DNAH11: variants seen among roughly 807,000 people sequenced by gnomAD.
The protein encoded by DNAH11 is dynein axonemal heavy chain 11.
In DNAH11, 442 loss-of-function variants were observed where a neutral mutation model predicts 526.0. The observed-to-expected ratio is 0.84, with a 90% CI of 0.78 to 0.91. DNAH11 has a LOEUF of 0.91. Ranked by LOEUF, DNAH11 falls within the 40% of genes least tolerant of loss-of-function variation. The pLI is 0.00. For missense variants in DNAH11, 6,989 were observed against 5,448.7 expected (o/e 1.28, Z -8.90); for synonymous variants, 2,461 against 1,935.9 (o/e 1.27, Z -7.12).
intron 28 of DNAH11, among the ~76,000 whole-genome samples, chr7:21,653,923 G>A (rs1054849413): frequency 1.3e-5 from 2 of 152,134 alleles, no homozygotes; most frequent in African/African-American, 2.4e-5. Flanking sequence ...AGAAAATTTA[G>A]GCAGGTTGCT....
intron 63 of DNAH11, among the ~76,000 whole-genome samples, chr7:21,810,003 G>T (rs989235027): frequency 6.6e-6 from 1 of 152,170 alleles, no homozygotes; most frequent in Non-Finnish European, 1.5e-5. Flanking sequence ...AGTGATAACT[G>T]AAATCAAACT....
chr7:21,547,942 C>T (rs1782866785), intron 2 of DNAH11, among the ~76,000 whole-genome samples: 1 of 152,156 alleles, frequency 6.6e-6, no homozygotes, highest in African/African-American at 2.4e-5. Context: ...AAGTTATGCA[C>T]ATTTGTTTAT....
chr7:21,831,621 T>G (rs1781773701), intron 65 of DNAH11, among the ~76,000 whole-genome samples: 2 of 152,134 alleles, frequency 1.3e-5, no homozygotes, highest in Admixed American at 6.5e-5. Context: ...AACCTCTCTT[T>G]TCACAGAGAA....
intron 25 of DNAH11, among the ~76,000 whole-genome samples, chr7:21,630,683 A>T (rs531634113): frequency 5.7e-4 from 87 of 152,092 alleles, no homozygotes; most frequent in African/African-American, 2.0e-3. Context: ...TTCTGTTGAG[A>T]TGTCTCTTGT....
At chr7:21,546,393 C>T (rs1782807462) in intron 2 of DNAH11, among the ~76,000 whole-genome samples, 1 of 152,184 alleles carries the variant, frequency 6.6e-6, no homozygotes, top group Non-Finnish European at 1.5e-5. Context: ...TGGTATGCAG[C>T]AGGTGCTCAG....
chr7:21,866,705 T>A, intron 71 of DNAH11, 42 bp downstream of exon 71: 3 of 1,559,302 alleles, frequency 1.9e-6, no homozygotes, highest in Non-Finnish European at 2.6e-6. Flanking sequence ...TTAGTTAACA[T>A]AGAGGAAATG....
intron 30 of DNAH11, among the ~76,000 whole-genome samples, chr7:21,659,977 T>C (rs1045535533): frequency 1.3e-5 from 2 of 152,186 alleles, no homozygotes; most frequent in Admixed American, 6.6e-5. Context: ...CCACTTACTT[T>C]TGGGGAAAAA....
intron 43 of DNAH11, among the ~76,000 whole-genome samples, chr7:21,718,719 A>G (rs1005964614): frequency 6.6e-6 from 1 of 152,178 alleles, no homozygotes; most frequent in African/African-American, 2.4e-5. Flanking sequence ...TTACAATTAG[A>G]AACCCCCACA....
intron 74 of DNAH11, among the ~76,000 whole-genome samples, chr7:21,879,458 CAAAT>C (rs1299850908): frequency 6.6e-6 from 1 of 151,336 alleles, no homozygotes; most frequent in African/African-American, 2.4e-5. Context: ...AAACAAAAAA[CAAAT>C]AAACAAAAAA....
At position 21,799,202 on chromosome 7, in the gene DNAH11, T is replaced by C. The variant is rs1788852164; in HGVS notation, c.10027-1935T>C. Among the ~76,000 whole-genome samples the C allele has an allele frequency of 2.0e-5, 3 of 152,346 alleles. No individual in the cohort carries two copies. In the South Asian group the frequency reaches 6.2e-4, roughly 32 times the overall value. On this transcript the variant is annotated intron_variant, in intron 61 of 81. Transcript: ENST00000409508. ...TAAATAAATAGCCCCAACTTGATAC[T>C]GCTTAGCTGGTAGCAGCATCCAAAT... is the stretch of plus-strand genomic sequence containing the variant.
Position 21,589,291 on chromosome 7 carries a change from T to A in DNAH11, c.2057T>A (p.Ile686Asn), listed in dbSNP as rs748133795. 1 of 1,610,616 alleles carries A rather than the reference T, an allele frequency of 6.2e-7. No individual in the cohort carries two copies. Among genetic ancestry groups the A allele is most frequent in the African/African-American group, 1.3e-5 (1 of 74,926 alleles). ...TTGCTTGATCAATTTGAAAGTCGTA[T>A]CTATAATGAATGGAAAAGTAATGTG... The part of the protein sequence containing the change: ...TTLLDQFESR[I>N]YNEWKSNVDE... The change falls in exon 12 of 82, where the codon ATC (isoleucine) becomes AAC (asparagine). Residue 686 changes from isoleucine to asparagine, a missense_variant. Physicochemically the swap from Ile to Asn is moderately radical, Grantham distance 149. Transcript: ENST00000409508.
At chr7:21,772,449 A>T (rs1787482402) in intron 55 of DNAH11, among the ~76,000 whole-genome samples, 1 of 150,922 alleles carries the variant, frequency 6.6e-6, no homozygotes, top group African/African-American at 2.4e-5. Flanking sequence ...TTTAGTTCCC[A>T]TTAAAACAAG....
intron 28 of DNAH11, among the ~76,000 whole-genome samples, chr7:21,646,932 GT>G (rs1486983847): frequency 2.0e-5 from 3 of 152,134 alleles, no homozygotes; most frequent in Non-Finnish European, 4.4e-5. Context: ...TTGCATTAAA[GT>G]TTACTGAGCA....
chr7:21,709,589 T>C (rs1441357274), intron 40 of DNAH11, among the ~76,000 whole-genome samples: 1 of 152,168 alleles, frequency 6.6e-6, no homozygotes. Context: ...AAGTTGAAAT[T>C]TTAAAAATAG....
At chr7:21,830,215 C>G (rs750047079) in intron 65 of DNAH11, among the ~76,000 whole-genome samples, 2 of 152,128 alleles carry the variant, frequency 1.3e-5, no homozygotes, top group South Asian at 2.1e-4. Context: ...AATACATTTT[C>G]TTTCCCTGAG....
chr7:21,675,630 C>T (rs909189090), intron 30 of DNAH11, among the ~76,000 whole-genome samples: 3 of 152,130 alleles, frequency 2.0e-5, no homozygotes, highest in Non-Finnish European at 2.9e-5. Flanking sequence ...GAACAAAAAA[C>T]TGTTGTTTTG....
Position 21,683,873 on chromosome 7 carries a change from T to C in DNAH11, c.5550T>C (p.Asp1850=). Residue 1850 remains aspartate, a synonymous_variant, in exon 32 of 82, where the codon GAT becomes GAC. Coordinates refer to ENST00000409508, the MANE Select transcript of DNAH11 (RefSeq NM_001277115.2). Reference sequence around the variant, plus strand: ...AACACTGCTTTGTTAATATTTGTGATGCCCAGTTCCAGTACTTCTATGAAT... The same window carrying C: ...AACACTGCTTTGTTAATATTTGTGACGCCCAGTTCCAGTACTTCTATGAAT... ...TQKHCFVNIC[D]AQFQYFYEYL... 3 of 1,613,788 alleles carry C rather than the reference T, an allele frequency of 1.9e-6. No homozygotes were observed. Among genetic ancestry groups the C allele is most frequent in the Non-Finnish European group, 2.5e-6 (3 of 1,179,742 alleles).
At position 21,744,981 on chromosome 7, in the gene DNAH11, A is replaced by G. The variant is rs769550475; in HGVS notation, c.8428A>G (p.Ile2810Val). The G allele has an allele frequency of 6.2e-7, 1 of 1,610,264 alleles. No homozygotes were observed. The highest frequency in any genetic ancestry group is 8.5e-7 in the Non-Finnish European group (1 of 1,178,294). Residue 2810 changes from isoleucine (I) to valine (V), a missense_variant, in exon 51 of 82, where the codon ATT (isoleucine) becomes GTT (valine). Coordinates refer to ENST00000409508, the MANE Select transcript of DNAH11 (RefSeq NM_001277115.2). ...PVKDWEVLKT[I>V]LTETLDNYNE... ...GAAGGACTGGGAAGTGCTGAAGACG[A>G]TTCTTACAGAAACGTTAGACAACTA...
At chr7:21,610,301 C>T (rs1042731089) in intron 20 of DNAH11, among the ~76,000 whole-genome samples, 6 of 152,118 alleles carry the variant, frequency 3.9e-5, no homozygotes, top group African/African-American at 1.2e-4. Flanking sequence ...AGTTTGTAAA[C>T]ATATTCCTGT....
Sources: allele counts gnomAD v4.1 joint callset (sites outside exome capture counted in the v4.1 genomes callset), GRCh38; gene constraint gnomAD v4.1.1; transcripts MANE v1.5; gene names NCBI Gene and HGNC (gene_info 2026-07-23, HGNC 2026-07-21).